TTN: variants seen among roughly 807,000 people sequenced by gnomAD.
The protein encoded by TTN is titin.
TTN carries 1,525 observed loss-of-function variants against 3,223.0 expected under a neutral mutation model. The observed-to-expected ratio is 0.47, with a 90% CI of 0.45 to 0.49. The LOEUF (loss-of-function observed/expected upper bound fraction) is 0.49, where lower values mean the gene tolerates loss of function less well. Ranked by LOEUF, TTN falls within the 20% of genes least tolerant of loss-of-function variation. The pLI is 0.00. For missense variants in TTN, 40,786 were observed against 43,424.0 expected, an observed-to-expected ratio of 0.94 and a Z score of 5.40; for synonymous variants, 14,094 against 15,161.0, an observed-to-expected ratio of 0.93 and a Z score of 5.17.
At position 178,589,047 on chromosome 2, in the gene TTN, C is replaced by G. The variant is rs952158828; in HGVS notation, c.62678G>C (p.Gly20893Ala). The G allele has an allele frequency of 3.1e-6, 5 of 1,609,280 alleles. No individual in the cohort carries two copies. Among genetic ancestry groups the G allele is most frequent in the Non-Finnish European group, 4.2e-6 (5 of 1,179,560 alleles). ...TAGAATATAATTTTGGATTTCACAG[C>G]CACCATCATCTTCTGGTGGATCCCA... is the stretch of plus-strand genomic sequence containing the variant. ...VCWDPPEDDG[G>A]CEIQNYILEK... Residue 20893 changes from glycine (G) to alanine (A), a missense_variant, in exon 304 of 363, where the codon GGC becomes GCC. Gly to Ala is a moderately conservative substitution (Grantham distance 60, BLOSUM62 0). Coordinates refer to ENST00000589042, the MANE Select transcript of TTN (RefSeq NM_001267550.2).
chr2:178,578,665 A>C lies in TTN; in HGVS notation c.68275T>G (p.Ser22759Ala). The change falls in exon 321 of 363, where the codon TCA becomes GCA. Residue 22759 changes from serine to alanine, a missense_variant. Physicochemically the swap from Ser to Ala is moderately conservative, Grantham distance 99. Coordinates refer to ENST00000589042, the MANE Select transcript of TTN (RefSeq NM_001267550.2). ...GGGTCAGTCCAAGTTAGAGATACTG[A>C]ATCGTGTCTGACATCCACAATATTG... The part of the protein sequence containing the change: ...PPNIVDVRHD[S>A]VSLTWTDPKK... The C allele has an allele frequency of 6.2e-7, 1 of 1,612,174 alleles. No individual in the cohort carries two copies. The highest frequency in any genetic ancestry group is 1.3e-5 in the African/African-American group (1 of 74,946).
intron 350 of TTN, 189 bp downstream of exon 350, chr2:178,541,093 A>T: frequency 2.1e-6 from 1 of 468,538 alleles, no homozygotes; most frequent in Middle Eastern, 5.8e-4. Context: ...TGGGGTGGGG[A>T]AGGGACTGAT....
chr2:178,725,562 TG>T lies in TTN; in HGVS notation c.20641del (p.Gln6881SerfsTer14). 1.9e-6 allele frequency: 3 copies of T among 1,613,160 alleles called. No homozygotes were observed. Among genetic ancestry groups the T allele is most frequent in the Non-Finnish European group, 2.5e-6 (3 of 1,179,442 alleles). On this transcript the variant is annotated frameshift_variant, in exon 71 of 363. Coordinates refer to ENST00000589042, the MANE Select transcript of TTN (RefSeq NM_001267550.2). LOFTEE classifies it high-confidence loss of function. ...AELQASIEGA[Q>X]PIFVQWLKEK... Reference sequence around the variant, plus strand: ...TTTAAGCCACTGGACAAAAATAGGCTGGGCGCCTTCTATGGATGCTTGTAAT... The same window carrying T: ...TTTAAGCCACTGGACAAAAATAGGCTGGCGCCTTCTATGGATGCTTGTAAT...
At position 178,740,706 on chromosome 2, in the gene TTN, G is replaced by C; in HGVS notation, c.12527C>G (p.Ala4176Gly). 4 of 1,613,858 alleles carry C rather than the reference G, an allele frequency of 2.5e-6. No homozygotes were observed. Among genetic ancestry groups the C allele is most frequent in the Non-Finnish European group, 3.4e-6 (4 of 1,179,818 alleles). The part of the protein sequence containing the change: ...ILMPEEPETQ[A>G]VLSDTEKIFP... ...GATTTTCTCGGTATCTGATAGAACT[G>C]CCTGTGTCTCAGGCTCTTCAGGCAT... The change falls in exon 48 of 363, where the codon GCA (alanine) becomes GGA (glycine). Residue 4176 changes from alanine (A) to glycine (G), a missense_variant. Transcript: ENST00000589042.
At position 178,795,050 on chromosome 2, in the gene TTN, C is replaced by T; in HGVS notation, c.1117G>A (p.Glu373Lys). 6.2e-7 allele frequency: 1 copy of T among 1,613,648 alleles called. No individual in the cohort carries two copies. The highest frequency in any genetic ancestry group is 8.5e-7 in the Non-Finnish European group (1 of 1,180,008). ...TLTTSTQIRT[E>K]ERWEGRYGVQ... ...CCGTATCTCCCTTCCCATCTCTCTT[C>T]TGTCCTGATCTGAGTAGAGGTTGTC... The change falls in exon 7 of 363, where the codon GAA becomes AAA. Residue 373 changes from glutamate (E) to lysine (K), a missense_variant. Physicochemically the swap from Glu to Lys is moderately conservative, Grantham distance 56 (BLOSUM62 1). Coordinates refer to ENST00000589042, the MANE Select transcript of TTN (RefSeq NM_001267550.2).
chr2:178,758,853 A>G, intron 44 of TTN, 131 bp downstream of exon 44: 1 of 948,510 alleles, frequency 1.1e-6, no homozygotes, highest in Non-Finnish European at 1.7e-6. Flanking sequence ...TATAACAGGG[A>G]AATAATTAGT....
At chr2:178,613,344 C>T in intron 263 of TTN, 68 bp from the exon 264 acceptor site, 4 of 1,165,176 alleles carry the variant, frequency 3.4e-6, no homozygotes, top group East Asian at 2.5e-5. Context: ...GTTTATTTTA[C>T]ACAGAAGAGA....
At position 178,702,496 on chromosome 2, in the gene TTN, AGCG is replaced by A. The variant is rs762345145; in HGVS notation, c.30388_30390del (p.Arg10130del). 7 of 1,613,876 alleles carry A rather than the reference AGCG, an allele frequency of 4.3e-6. No individual in the cohort carries two copies. Among genetic ancestry groups the A allele is most frequent in the Non-Finnish European group, 5.9e-6 (7 of 1,179,892 alleles). On this transcript the variant is annotated inframe_deletion, in exon 107 of 363. Coordinates refer to ENST00000589042, the MANE Select transcript of TTN (RefSeq NM_001267550.2). ...ACATTGTGGATGGTCATATAATGGC[AGCG>A]GCCATCATTCCTGAAGTTGTATTTC... is the stretch of plus-strand genomic sequence containing the variant.
At chr2:178,600,771 G>T in intron 288 of TTN, 83 bp downstream of exon 288, 2 of 1,513,980 alleles carry the variant, frequency 1.3e-6, no homozygotes, top group Non-Finnish European at 1.8e-6. Context: ...TACAGATATA[G>T]CTCTTTTAAT....
Position 178,766,635 on chromosome 2 carries a change from A to C in TTN, c.9472-23T>G, listed in dbSNP as rs3816782. The C allele has an allele frequency of 0.091, 143,629 of 1,581,188 alleles. 8,490 individuals are homozygous for C. Among genetic ancestry groups the C allele is most frequent in the Admixed American group, 0.27 (16,220 of 59,342 alleles). ...GACCTGTTGATGGAACAACATAAAA[A>C]AACAACAACAACAACAAAAACTTGA... On this transcript the variant is annotated intron_variant, in intron 40 of 362. Transcript: ENST00000589042.
chr2:178,650,412 C>A, intron 209 of TTN, 141 bp from the exon 210 acceptor site: 1 of 900,994 alleles, frequency 1.1e-6, no homozygotes, highest in East Asian at 2.7e-5. Flanking sequence ...TAGATAAAAT[C>A]TATCTCATTT....
chr2:178,761,747 G>C (rs1236233629), intron 43 of TTN, among the ~76,000 whole-genome samples: 2 of 152,078 alleles, frequency 1.3e-5, no homozygotes, highest in Admixed American at 1.3e-4. Context: ...CCAGCACCTA[G>C]GGTAATATCT....
intron 78 of TTN, among the ~76,000 whole-genome samples, 172 bp from the exon 79 acceptor site, chr2:178,721,374 A>C (rs2078331602): frequency 6.6e-6 from 1 of 151,972 alleles, no homozygotes; most frequent in South Asian, 2.1e-4. Context: ...AAATAATCTC[A>C]TAACATTTTT....
In TTN at chr2:178,646,074, C is replaced by T. The variant is rs752695030; in HGVS notation, c.40298-44G>A. On this transcript the variant is annotated intron_variant, in intron 216 of 362. Transcript: ENST00000589042. ...AGGTGTTAGTATATGTATATGTTAG[C>T]ATGTGGATATGTAGTATATTTAATA... The T allele has an allele frequency of 8.4e-6, 6 of 718,444 alleles. No individual in the cohort carries two copies. In the East Asian group the frequency reaches 3.2e-4, roughly 38 times the overall value. The allele number at this position is 718,444 out of a possible 1,614,324, so 44.5% of individuals were successfully genotyped here.
Position 178,731,313 on chromosome 2 carries a change from G to A in TTN, c.17453C>T (p.Ser5818Leu), listed in dbSNP as rs749007462. ...AAACGTTCTGAACCAACCTTTTACT[G>A]AGAGTAATGCAGAACATCTTTGTAT... ...AGIQRCSALL[S>L]VKEPATITEE... is the part of the protein sequence containing the mutation. The change falls in exon 59 of 363, where the codon TCA becomes TTA. Residue 5818 changes from serine to leucine, a missense_variant. Ser to Leu is a moderately radical substitution (Grantham distance 145, BLOSUM62 -2). Coordinates refer to ENST00000589042, the MANE Select transcript of TTN (RefSeq NM_001267550.2). The A allele has an allele frequency of 6.2e-6, 10 of 1,613,504 alleles. No homozygotes were observed. The South Asian group carries it at 1.1e-4, about 18-fold the overall frequency.
Position 178,688,731 on chromosome 2 carries a change from C to T in TTN, c.32143G>A (p.Glu10715Lys). 2.5e-6 allele frequency: 4 copies of T among 1,613,832 alleles called. No individual in the cohort carries two copies. The highest frequency in any genetic ancestry group is 3.4e-6 in the Non-Finnish European group (4 of 1,179,756). ...TVVEEKRFVA[E>K]EKLSFAVPQR... ...GGAACTGCGAAGGATAGTTTTTCTT[C>T]AGCAACAAATCTCTTTTCTTCTACA... Residue 10715 changes from glutamate (E) to lysine (K), a missense_variant, in exon 126 of 363, where the codon GAA (glutamate) becomes AAA (lysine). By Grantham distance (56) the Glu-to-Lys change is moderately conservative (BLOSUM62 1). Coordinates refer to ENST00000589042, the MANE Select transcript of TTN (RefSeq NM_001267550.2).
chr2:178,528,166 A>C, intron 361 of TTN, 108 bp downstream of exon 361: 1 of 1,283,870 alleles, frequency 7.8e-7, no homozygotes, highest in Non-Finnish European at 1.1e-6. Flanking sequence ...TCCCTCTTTC[A>C]CATGGAATTT....
chr2:178,716,965 A>T, intron 88 of TTN, 130 bp downstream of exon 88: 1 of 1,002,792 alleles, frequency 1.0e-6, no homozygotes, highest in African/African-American at 1.6e-5. Context: ...AAGGTCCTTG[A>T]TCCACTTGAT....
rs774289887 is a variant in TTN at position 178,695,455 on chromosome 2, A to G, written c.31208-45T>C. On this transcript the variant is annotated intron_variant, in intron 114 of 362. Transcript: ENST00000589042. The stretch of plus-strand genomic sequence containing the variant: ...ATAAGAAGGGATGCTTAAATAGGTA[A>G]GTTCTCTTAGGTTGTTAATTGCAAA... 8.0e-6 allele frequency: 12 copies of G among 1,493,372 alleles called. No homozygotes were observed. The Admixed American group carries it at 8.4e-5, about 10-fold the overall frequency. 92.5% of individuals were successfully genotyped at this position (1,493,372 alleles called of 1,614,324 possible).
Sources: gnomAD v4.1 joint callset for allele counts (sites outside exome capture counted in the v4.1 genomes callset) on GRCh38, gnomAD v4.1.1 for gene constraint, MANE v1.5 for transcripts, NCBI Gene and HGNC (gene_info 2026-07-23, HGNC 2026-07-21) for gene names.